KHK: variants seen among roughly 807,000 people sequenced by gnomAD.
The protein encoded by KHK is ketohexokinase, also known as fructokinase.
Under a neutral mutation model 36.0 loss-of-function variants are expected in KHK, and 37 were observed. That is an observed-to-expected ratio of 1.03 (90% CI 0.79 to 1.35). KHK has a LOEUF of 1.35. Among genes scored for constraint, KHK ranks in the 40% most tolerant of loss-of-function variants. KHK has a pLI of 0.00. For synonymous variants in KHK, 161 were observed against 162.8 expected, an observed-to-expected ratio of 0.99 and a Z score of 0.08; for missense variants, 395 against 391.9, an observed-to-expected ratio of 1.01 and a Z score of -0.07.
chr2:27,099,421 G>A lies in KHK; in HGVS notation c.655G>A (p.Ala219Thr). 2 of 1,613,858 alleles carry A rather than the reference G, an allele frequency of 1.2e-6. No homozygotes were observed. Among genetic ancestry groups the A allele is most frequent in the Non-Finnish European group, 8.5e-7 (1 of 1,179,814 alleles). Residue 219 changes from alanine to threonine, a missense_variant and splice_region_variant, in exon 7 of 8, where the codon GCT becomes ACT. Coordinates refer to ENST00000260598, the MANE Select transcript of KHK (RefSeq NM_006488.3). ...CAGCTGAGTGGAGCCGTCTTGCAGG[G>A]CTGTGCTTGTCTGTGCCTGGGCTGA... Reference protein sequence around the residue: ...RGLYGRVRKGAVLVCAWAEEG... With the variant: ...RGLYGRVRKGTVLVCAWAEEG...
At position 27,092,633 on chromosome 2, in the gene KHK, G is replaced by T. The variant is rs147341764; in HGVS notation, c.209+185G>T. On this transcript the variant is annotated intron_variant, in intron 2 of 7. Coordinates refer to ENST00000260598, the MANE Select transcript of KHK (RefSeq NM_006488.3). ...CTTGGCGTGGCCTCTCTGCGGTTCG[G>T]GGGCTGATGCTGCCCCTGTGAAGCT... Among the ~76,000 whole-genome samples the T allele has an allele frequency of 4.1e-3, 617 of 152,334 alleles. 3 individuals carry two copies. Among genetic ancestry groups the T allele is most frequent in the African/African-American group, 0.014 (591 of 41,572 alleles).
chr2:27,089,403 C>G (rs7588333), intron 1 of KHK, among the ~76,000 whole-genome samples: 148,723 of 152,248 alleles, frequency 0.98, 72,740 homozygotes, highest in East Asian at 1. Context: ...CATCTCAGGG[C>G]AACAGTGCAA....
intron 3 of KHK, among the ~76,000 whole-genome samples, chr2:27,095,155 T>TG (rs1454229209): frequency 6.6e-6 from 1 of 152,230 alleles, no homozygotes; most frequent in Non-Finnish European, 1.5e-5. Flanking sequence ...GACTTGGCCT[T>TG]GGTCAACACC....
At chr2:27,087,903 C>A (rs938817658) in intron 1 of KHK, 1 of 152,364 alleles carries the variant, frequency 6.6e-6, no homozygotes, top group African/African-American at 2.4e-5. Context: ...CTTGCTGGCA[C>A]TGGAGGCAAA....
At position 27,087,093 on chromosome 2, in the gene KHK, C is replaced by A. The variant is rs1231491467; in HGVS notation, c.-167C>A. On this transcript the variant is annotated 5_prime_UTR_variant, in exon 1 of 8. Transcript: ENST00000260598. ...TCGCGAGGAAGGGCCCTGCTCCTTTCGTTCCCTGCACCCCTGGCCGCTGCA... is the reference window on the plus strand; with the variant it reads ...TCGCGAGGAAGGGCCCTGCTCCTTTAGTTCCCTGCACCCCTGGCCGCTGCA... The A allele has an allele frequency of 8.3e-6, 5 of 601,522 alleles. No individual in the cohort carries two copies. The highest frequency in any genetic ancestry group is 1.5e-5 in the Non-Finnish European group (5 of 336,978). The allele number at this position is 601,522 out of a possible 1,614,324, so 37.3% of individuals were successfully genotyped here. A position where few individuals can be genotyped will look rare whatever the true frequency, so the allele number is the denominator to read the frequency against.
Position 27,100,041 on chromosome 2 carries a change from T to G in KHK, c.*291T>G. On this transcript the variant is annotated 3_prime_UTR_variant, in exon 8 of 8. Coordinates refer to ENST00000260598, the MANE Select transcript of KHK (RefSeq NM_006488.3). ...GCTCTGACTCTTCGATCCTCCCTCT[T>G]TGTGTCCATTCCCCAAATTAACCTC... 1 of 642,886 alleles carries G rather than the reference T, an allele frequency of 1.6e-6. No individual in the cohort carries two copies. The highest frequency in any genetic ancestry group is 2.7e-6 in the Non-Finnish European group (1 of 369,100). The allele number at this position is 642,886 out of a possible 1,614,324, so 39.8% of individuals were successfully genotyped here. A position where few individuals can be genotyped will look rare whatever the true frequency, so the allele number is the denominator to read the frequency against.
At chr2:27,090,142 G>A (rs1045924564) in intron 1 of KHK, among the ~76,000 whole-genome samples, 1 of 152,114 alleles carries the variant, frequency 6.6e-6, no homozygotes, top group Non-Finnish European at 1.5e-5. Flanking sequence ...GTGAGCCACC[G>A]CGCCCAGCCT....
rs143430164 is a variant in KHK, at chr2:27,099,702, G to C, written c.849G>C (p.Gln283His). 1.2e-5 allele frequency: 20 copies of C among 1,614,052 alleles called. No homozygotes were observed. The highest frequency in any genetic ancestry group is 1.0e-5 in the Non-Finnish European group (12 of 1,180,030). The change falls in exon 8 of 8, where the codon CAG becomes CAC. Residue 283 changes from glutamine (Q) to histidine (H), a missense_variant. Physicochemically the swap from Gln to His is conservative, Grantham distance 24 (BLOSUM62 0). Transcript: ENST00000260598. ...SVQEALRFGC[Q>H]VAGKKCGLQG... Reference sequence around the variant, plus strand: ...AGGAAGCACTGAGATTCGGGTGCCAGGTGGCCGGCAAGAAGTGTGGCCTGC... The same window carrying C: ...AGGAAGCACTGAGATTCGGGTGCCACGTGGCCGGCAAGAAGTGTGGCCTGC...
chr2:27,099,685 C>T lies in KHK; in HGVS notation c.832C>T (p.Leu278=). Residue 278 remains leucine (L), a synonymous_variant, in exon 8 of 8, where the codon CTG becomes TTG. Transcript: ENST00000260598. ...LSQGRSVQEA[L]RFGCQVAGKK... ...TCCAGGGAGGAGCGTGCAGGAAGCA[C>T]TGAGATTCGGGTGCCAGGTGGCCGG... The T allele has an allele frequency of 1.2e-6, 2 of 1,614,140 alleles. No individual in the cohort carries two copies. The highest frequency in any genetic ancestry group is 1.7e-6 in the Non-Finnish European group (2 of 1,180,020).
intron 5 of KHK, 139 bp from the exon 6 acceptor site, chr2:27,099,051 ACGTTCC>A (rs1670601190): frequency 2.5e-6 from 2 of 808,012 alleles, no homozygotes; most frequent in African/African-American, 3.4e-5. Flanking sequence ...AAAGAAAACC[ACGTTCC>A]CGTGGGACAG....
rs1418975420 is a variant in KHK at position 27,096,815 on chromosome 2, T to C, written c.417+14T>C. On this transcript the variant is annotated intron_variant, in intron 4 of 7. Transcript: ENST00000260598. ...ATCCACATTGAGGTAAGCCCTGCCT[T>C]ACCTGTGTTTCAAGGGGCTCAACCT... The C allele has an allele frequency of 3.7e-6, 6 of 1,606,858 alleles. No homozygotes were observed. The highest frequency in any genetic ancestry group is 5.1e-6 in the Non-Finnish European group (6 of 1,173,496).
intron 1 of KHK, among the ~76,000 whole-genome samples, chr2:27,091,291 G>A (rs1669988599): frequency 6.6e-6 from 1 of 150,704 alleles, no homozygotes; most frequent in African/African-American, 2.4e-5. Flanking sequence ...GCTCCCTTTG[G>A]TTGCCCAGGC....
At chr2:27,098,898 T>G in intron 5 of KHK, 1 of 383,526 alleles carries the variant, frequency 2.6e-6, no homozygotes, top group Non-Finnish European at 5.0e-6. Flanking sequence ...TATATAAGCA[T>G]CGATAAAAAT....
intron 5 of KHK, chr2:27,098,869 A>G (rs1337011638): frequency 1.3e-5 from 4 of 304,930 alleles, no homozygotes; most frequent in Non-Finnish European, 2.6e-5. Flanking sequence ...TTTACAATTT[A>G]CAAGGCTGTA....
chr2:27,090,899 T>G (rs1175821203), intron 1 of KHK, among the ~76,000 whole-genome samples: 1 of 151,690 alleles, frequency 6.6e-6, no homozygotes, highest in Non-Finnish European at 1.5e-5. Context: ...ACGAAAAAAT[T>G]TTTTAAATTA....
intron 3 of KHK, 45 bp from the exon 4 acceptor site, chr2:27,096,684 C>T (rs2148358275): frequency 2.7e-6 from 4 of 1,501,446 alleles, no homozygotes; most frequent in East Asian, 4.5e-5. Context: ...TCTGCCTGAC[C>T]CCATCATGCT....
chr2:27,092,665 G>A (rs1414635504), intron 2 of KHK, among the ~76,000 whole-genome samples: 1 of 152,200 alleles, frequency 6.6e-6, no homozygotes, highest in Admixed American at 6.5e-5. Flanking sequence ...AGCTTTCCTT[G>A]CCACAGCTTG....
intron 1 of KHK, 75 bp downstream of exon 1, chr2:27,087,426 C>A: frequency 8.2e-7 from 1 of 1,219,266 alleles, no homozygotes; most frequent in Non-Finnish European, 1.2e-6. Context: ...ACCGAGGCTG[C>A]AGAGACCCCG....
intron 2 of KHK, among the ~76,000 whole-genome samples, chr2:27,093,092 A>G (rs554357937): frequency 6.6e-6 from 1 of 152,272 alleles, no homozygotes; most frequent in East Asian, 1.9e-4. Context: ...CTCAGCAAGC[A>G]CTTATCGGGA....
Sources: allele counts gnomAD v4.1 joint callset (sites outside exome capture counted in the v4.1 genomes callset), GRCh38; gene constraint gnomAD v4.1.1; transcripts MANE v1.5; gene names NCBI Gene and HGNC (gene_info 2026-07-23, HGNC 2026-07-21).